SPRED1: variants seen among roughly 807,000 people sequenced by gnomAD.
The protein encoded by SPRED1 is sprouty related EVH1 domain containing 1.
In SPRED1, 18 loss-of-function variants were observed where a neutral mutation model predicts 52.3. The observed-to-expected ratio is 0.34, with a 90% confidence interval of 0.24 to 0.51. SPRED1 has a LOEUF of 0.51. SPRED1 is among the 20% of genes least tolerant of loss of function. The pLI is 0.97. For synonymous variants in SPRED1, 155 were observed against 179.7 expected (o/e 0.86, Z 1.10); for missense variants, 485 against 551.0 (o/e 0.88, Z 1.20).
At chr15:38,346,347 C>A (rs1394529338) in intron 5 of SPRED1, among the ~76,000 whole-genome samples, 2 of 151,726 alleles carry the variant, frequency 1.3e-5, no homozygotes, top group Non-Finnish European at 2.9e-5. Context: ...TGGATAGATA[C>A]ATTGTTTCAA....
In SPRED1 at chr15:38,341,827, G is replaced by T. The variant is rs373324201; in HGVS notation, c.582+1932G>T. On this transcript the variant is annotated intron_variant, in intron 5 of 6. Coordinates refer to ENST00000299084, the MANE Select transcript of SPRED1 (RefSeq NM_152594.3). ...TGCACATTTTTAGTAGTTGGGTATA[G>T]CAGCCTTTTTTGTTGAACTGATCCT... Among the ~76,000 whole-genome samples the T allele has an allele frequency of 2.4e-4, 36 of 152,140 alleles. No homozygotes were observed. The East Asian group carries it at 6.9e-3, about 29-fold the overall frequency.
chr15:38,258,756 A>G (rs1030168476), intron 1 of SPRED1, among the ~76,000 whole-genome samples: 4 of 152,204 alleles, frequency 2.6e-5, no homozygotes, highest in African/African-American at 9.6e-5. Context: ...TGCGGTAACT[A>G]GAATGTTTTT....
chr15:38,270,792 T>C (rs1159859741), intron 1 of SPRED1, among the ~76,000 whole-genome samples: 1 of 152,076 alleles, frequency 6.6e-6, no homozygotes, highest in African/African-American at 2.4e-5. Context: ...TGTTGAATTT[T>C]AAATTAAAAA....
chr15:38,343,593 T>G (rs967624594), intron 5 of SPRED1, among the ~76,000 whole-genome samples: 8 of 152,004 alleles, frequency 5.3e-5, no homozygotes, highest in Non-Finnish European at 1.2e-4. Flanking sequence ...TAAAAGTGAG[T>G]AGAGAGAGAA....
intron 1 of SPRED1, among the ~76,000 whole-genome samples, chr15:38,276,025 C>T (rs757985481): frequency 3.4e-4 from 52 of 152,220 alleles, no homozygotes; most frequent in Non-Finnish European, 6.5e-4. Context: ...GGACAGGACA[C>T]AATCTAATTA....
At chr15:38,295,334 C>G (rs538246927) in intron 1 of SPRED1, among the ~76,000 whole-genome samples, 53 of 152,064 alleles carry the variant, frequency 3.5e-4, no homozygotes, top group Non-Finnish European at 7.2e-4. Flanking sequence ...TGTGTTGGGC[C>G]GCATTCAAAG....
chr15:38,324,948 A>G (rs1229289602), intron 4 of SPRED1, 139 bp downstream of exon 4: 7 of 764,892 alleles, frequency 9.2e-6, no homozygotes, highest in South Asian at 3.3e-5. Context: ...AAAAGAACCA[A>G]TACAGGTTGA....
At chr15:38,275,377 A>T (rs1174990523) in intron 1 of SPRED1, among the ~76,000 whole-genome samples, 1 of 152,054 alleles carries the variant, frequency 6.6e-6, no homozygotes, top group Non-Finnish European at 1.5e-5. Context: ...TTTCTTGCCC[A>T]GCTTTGGAAC....
chr15:38,324,692 T>C, intron 3 of SPRED1, 71 bp from the exon 4 acceptor site: 1 of 1,169,448 alleles, frequency 8.6e-7, no homozygotes, highest in South Asian at 1.3e-5. Flanking sequence ...AATGACATAA[T>C]CAATTAGTCA....
At chr15:38,337,530 T>C (rs1895945936) in intron 4 of SPRED1, among the ~76,000 whole-genome samples, 1 of 152,136 alleles carries the variant, frequency 6.6e-6, no homozygotes, top group Non-Finnish European at 1.5e-5. Flanking sequence ...TGGTAAACAT[T>C]TAAAAATCAT....
At chr15:38,337,588 TTG>T (rs1428531967) in intron 4 of SPRED1, among the ~76,000 whole-genome samples, 1 of 152,144 alleles carries the variant, frequency 6.6e-6, no homozygotes, top group Non-Finnish European at 1.5e-5. Context: ...CAATAAACAC[TTG>T]TGATATTTTC....
rs576342126 is a variant in SPRED1, at chr15:38,258,281, G to T, written c.32+5064G>T. On this transcript the variant is annotated intron_variant, in intron 1 of 6. Transcript: ENST00000299084. ...CATTATGTAGTTTATATATATACAT[G>T]TGTTTCTTCTCAGTGGAATGGAATT... Among the ~76,000 whole-genome samples, 18 of 152,162 alleles carry T rather than the reference G, an allele frequency of 1.2e-4. No individual in the cohort carries two copies. The South Asian group carries it at 3.1e-3, about 26-fold the overall frequency.
rs1205886388 is a variant in SPRED1, at chr15:38,356,964, A to G, written c.*5300A>G. The G allele has an allele frequency of 6.6e-6, 1 of 152,162 alleles. No homozygotes were observed. Among genetic ancestry groups the G allele is most frequent in the Non-Finnish European group, 1.5e-5 (1 of 67,992 alleles). 9.4% of individuals were successfully genotyped at this position (152,162 alleles called of 1,614,324 possible). A position where few individuals can be genotyped will look rare whatever the true frequency, so the allele number is the denominator to read the frequency against. ...TTATGAAATGTAGTCTCATGTGCTT[A>G]TTTACAGGTTTTTCAGAATTTGCTT... On this transcript the variant is annotated 3_prime_UTR_variant, in exon 7 of 7. Transcript: ENST00000299084.
At chr15:38,310,162 C>T (rs1194295099) in intron 2 of SPRED1, among the ~76,000 whole-genome samples, 2 of 14,856 alleles carry the variant, frequency 1.3e-4, no homozygotes, top group South Asian at 3.8e-3. Flanking sequence ...TGTTTGGAGA[C>T]GAAGTTTCGC....
intron 4 of SPRED1, among the ~76,000 whole-genome samples, chr15:38,332,939 A>G (rs1388621886): frequency 1.3e-5 from 2 of 152,324 alleles, no homozygotes; most frequent in East Asian, 3.9e-4. Flanking sequence ...ATACTTGGCT[A>G]TATCCTCACA....
In SPRED1 at chr15:38,319,677, G is replaced by A. The variant is rs1373879947; in HGVS notation, c.208-2564G>A. On this transcript the variant is annotated intron_variant, in intron 2 of 6. Transcript: ENST00000299084. Reference sequence around the variant, plus strand: ...ACAGGCGTGAGCCACTGTGCCTGGCGGTTAATTCTTTTCTAATACACATAG... The same window carrying A: ...ACAGGCGTGAGCCACTGTGCCTGGCAGTTAATTCTTTTCTAATACACATAG... 2.6e-5 allele frequency among the ~76,000 whole-genome samples: 4 copies of A among 152,202 alleles called. No individual in the cohort carries two copies. In the South Asian group the frequency reaches 6.2e-4, roughly 24 times the overall value.
chr15:38,356,556 G>T lies in SPRED1; in HGVS notation c.*4892G>T, dbSNP rs1443909661. On this transcript the variant is annotated 3_prime_UTR_variant, in exon 7 of 7. Coordinates refer to ENST00000299084, the MANE Select transcript of SPRED1 (RefSeq NM_152594.3). ...ATGGAAGCTTTTGATAATTAGCTCT[G>T]TTCTTTAAAAGTATACTTTTAAACT... 9 of 152,000 alleles carry T rather than the reference G, an allele frequency of 5.9e-5. No individual in the cohort carries two copies. Among genetic ancestry groups the T allele is most frequent in the African/African-American group, 1.9e-4 (8 of 41,394 alleles). 9.4% of individuals were successfully genotyped at this position (152,000 alleles called of 1,614,324 possible). A position where few individuals can be genotyped will look rare whatever the true frequency, so the allele number is the denominator to read the frequency against.
chr15:38,337,403 C>T (rs1344371615), intron 4 of SPRED1, among the ~76,000 whole-genome samples: 1 of 152,112 alleles, frequency 6.6e-6, no homozygotes, highest in Non-Finnish European at 1.5e-5. Flanking sequence ...TTTGCCATAT[C>T]AGACACTTGA....
intron 2 of SPRED1, among the ~76,000 whole-genome samples, chr15:38,309,332 G>A (rs1321194013): frequency 6.6e-6 from 1 of 152,122 alleles, no homozygotes. Flanking sequence ...CTAGAGATGG[G>A]GTTTCACCAT....
Sources: gnomAD v4.1 joint callset for allele counts (sites outside exome capture counted in the v4.1 genomes callset) on GRCh38, gnomAD v4.1.1 for gene constraint, MANE v1.5 for transcripts, NCBI Gene and HGNC (gene_info 2026-07-23, HGNC 2026-07-21) for gene names.